The following NBPF15 variants were observed in gnomAD, a reference collection of about 807,000 sequenced individuals.
NBPF15 encodes the protein NBPF family member NBPF15.
NBPF15 carries 74 observed loss-of-function variants against 62.2 expected under a neutral mutation model. The ratio of observed to expected loss-of-function variants is 1.19; its 90% confidence interval spans 0.99 to 1.44. NBPF15 has a LOEUF of 1.44. Ranked by LOEUF, NBPF15 falls within the 40% of genes most tolerant of loss-of-function variation. The probability of loss-of-function intolerance (pLI) is 0.00; values close to 1 mark genes in which losing one functional copy is unlikely to be tolerated. For missense variants in NBPF15, 790 were observed against 550.0 expected, an observed-to-expected ratio of 1.44 and a Z score of -4.36; for synonymous variants, 244 against 209.7, an observed-to-expected ratio of 1.16 and a Z score of -1.41.
chr1:144,433,158 C>T (rs1340314340), intron 13 of NBPF15, among the ~76,000 whole-genome samples: 42 of 151,952 alleles, frequency 2.8e-4, no homozygotes, highest in East Asian at 3.9e-4. Context: ...CACTCAAAAC[C>T]GCACAACTAC....
chr1:144,461,557 C>T lies in NBPF15; in HGVS notation c.-1114G>A, dbSNP rs1274874228. ...CGCGTTCACTCAGATGCTCACGCAG[C>T]CTCGCGACCCTCACCTACCCCTCCC... On this transcript the variant is annotated 5_prime_UTR_variant, in exon 1 of 22. Transcript: ENST00000581897. The T allele has an allele frequency of 3.3e-5, 5 of 152,876 alleles. No individual in the cohort carries two copies. Among genetic ancestry groups the T allele is most frequent in the African/African-American group, 1.2e-4 (5 of 41,428 alleles). 9.5% of individuals were successfully genotyped at this position (152,876 alleles called of 1,614,324 possible).
At position 144,423,915 on chromosome 1, in the gene NBPF15, CTTCTT is replaced by C. The variant is rs1254640163; in HGVS notation, c.1719_1723del (p.Arg574LysfsTer9). 1.5e-5 allele frequency: 12 copies of C among 795,696 alleles called. No homozygotes were observed. The highest frequency in any genetic ancestry group is 1.2e-4 in the African/African-American group (7 of 59,610). The allele number at this position is 795,696 out of a possible 1,614,324, so 49.3% of individuals were successfully genotyped here. ...ATCTTCCCCTTCTTTTCTTCCCCTT[CTTCTT>C]TTCTTCTTTGATCTTCTTCCCCTTC... On this transcript the variant is annotated frameshift_variant, in exon 21 of 22. Transcript: ENST00000581897. LOFTEE classifies it high-confidence loss of function.
intron 8 of NBPF15, among the ~76,000 whole-genome samples, chr1:144,438,594 A>G (rs1205572411): frequency 3.3e-5 from 5 of 152,082 alleles, no homozygotes; most frequent in African/African-American, 9.7e-5. Flanking sequence ...AAGGCCATGA[A>G]GGAAATATGC....
At chr1:144,432,441 C>A (rs1359511218) in intron 13 of NBPF15, among the ~76,000 whole-genome samples, 1 of 152,018 alleles carries the variant, frequency 6.6e-6, no homozygotes, top group Non-Finnish European at 1.5e-5. Context: ...ATGACAGGAT[C>A]AAATTCACAC....
chr1:144,452,439 A>C (rs1412145363), intron 4 of NBPF15, among the ~76,000 whole-genome samples: 2 of 151,708 alleles, frequency 1.3e-5, no homozygotes, highest in Non-Finnish European at 2.9e-5. Flanking sequence ...TCCCAAACAC[A>C]GGAAAATATA....
chr1:144,443,389 T>C (rs71620849), intron 6 of NBPF15, among the ~76,000 whole-genome samples: 3 of 151,988 alleles, frequency 2.0e-5, no homozygotes, highest in Non-Finnish European at 4.4e-5. Flanking sequence ...TCTAGCAGAG[T>C]AAGTCCTCCA....
At chr1:144,456,250 A>T (rs1647662391) in intron 4 of NBPF15, among the ~76,000 whole-genome samples, 1 of 151,702 alleles carries the variant, frequency 6.6e-6, no homozygotes, top group Non-Finnish European at 1.5e-5. Context: ...AGAGGGGAAG[A>T]GCAAGGAGTG....
chr1:144,436,607 C>T (rs1352172298), intron 10 of NBPF15, among the ~76,000 whole-genome samples: 1 of 152,010 alleles, frequency 6.6e-6, no homozygotes, highest in Admixed American at 6.6e-5. Context: ...CTCTAACAAG[C>T]CTGCTCCCAT....
At chr1:144,447,152 G>A (rs1423777479) in intron 6 of NBPF15, among the ~76,000 whole-genome samples, 1 of 152,298 alleles carries the variant, frequency 6.6e-6, no homozygotes, top group Non-Finnish European at 1.5e-5. Context: ...TGTTCTGACA[G>A]CAGGGAGGAC....
Position 144,423,933 on chromosome 1 carries a change from C to T in NBPF15, c.1706G>A (p.Arg569Lys), listed in dbSNP as rs1553538771. 1 of 785,028 alleles carries T rather than the reference C, an allele frequency of 1.3e-6. No homozygotes were observed. The highest frequency in any genetic ancestry group is 3.5e-4 in the Middle Eastern group (1 of 2,848). The allele number at this position is 785,028 out of a possible 1,614,324, so 48.6% of individuals were successfully genotyped here. A position where few individuals can be genotyped will look rare whatever the true frequency, so the allele number is the denominator to read the frequency against. The change falls in exon 21 of 22, where the codon AGA becomes AAA. Residue 569 changes from arginine to lysine, a missense_variant. Transcript: ENST00000581897. ...TCCCCTTCTTCTTTTCTTCTTTGAT[C>T]TTCTTCCCCTTCTTTTCTTCCCCTT... The part of the protein sequence containing the change: ...KGKGKKRRGR[R>K]SKKKRRRGRK...
In NBPF15 at chr1:144,423,027, T is replaced by C. The variant is rs1553538494; in HGVS notation, c.1999A>G (p.Ile667Val). ...SLHLVFQMGV[I>V]FPQ ...GTAAGAGCTGCTTATTGTGGGAATA[T>C]GACTCCCATCTGGAACACCAGGTGG... The change falls in exon 22 of 22, where the codon ATA (isoleucine) becomes GTA (valine). Residue 667 changes from isoleucine to valine, a missense_variant. Coordinates refer to ENST00000581897, the MANE Select transcript of NBPF15 (RefSeq NM_001385408.1). 1 of 1,611,570 alleles carries C rather than the reference T, an allele frequency of 6.2e-7. No homozygotes were observed. The highest frequency in any genetic ancestry group is 8.5e-7 in the Non-Finnish European group (1 of 1,179,644).
intron 16 of NBPF15, among the ~76,000 whole-genome samples, 185 bp downstream of exon 16, chr1:144,427,633 C>T (rs1322977247): frequency 1.4e-5 from 2 of 145,768 alleles, no homozygotes; most frequent in Non-Finnish European, 3.0e-5. Flanking sequence ...GAGAGCCTTG[C>T]TCACTGATCC....
At chr1:144,447,714 C>T (rs376775470) in intron 6 of NBPF15, among the ~76,000 whole-genome samples, 19 of 152,046 alleles carry the variant, frequency 1.2e-4, no homozygotes, top group East Asian at 1.9e-4. Flanking sequence ...GAAAGCTCAG[C>T]GTAAAGCACT....
rs1470635497 is a variant in NBPF15, at chr1:144,436,459, C to A, written c.493+436G>T. 1.2e-4 allele frequency among the ~76,000 whole-genome samples: 18 copies of A among 151,944 alleles called. 1 individual carries two copies. The South Asian group carries it at 2.3e-3, about 19-fold the overall frequency. On this transcript the variant is annotated intron_variant, in intron 10 of 21. Transcript: ENST00000581897. ...TGTTCCCACATTTGAATGCTTCAGA[C>A]CCTTGCAAGAGACAATTTGTCTGCC...
At position 144,426,930 on chromosome 1, in the gene NBPF15, G is replaced by A. The variant is rs1413719344; in HGVS notation, c.1265+117C>T. 6 of 603,826 alleles carry A rather than the reference G, an allele frequency of 9.9e-6. No individual in the cohort carries two copies. The East Asian group carries it at 1.1e-4, about 12-fold the overall frequency. 37.4% of individuals were successfully genotyped at this position (603,826 alleles called of 1,614,324 possible). A position where few individuals can be genotyped will look rare whatever the true frequency, so the allele number is the denominator to read the frequency against. ...GCAATGAAAACCAACAGCAATGTCAGGAGGAGTAATTCAACCTTCGTTGAA... is the reference window on the plus strand; with the variant it reads ...GCAATGAAAACCAACAGCAATGTCAAGAGGAGTAATTCAACCTTCGTTGAA... On this transcript the variant is annotated intron_variant, in intron 17 of 21. Transcript: ENST00000581897.
intron 4 of NBPF15, among the ~76,000 whole-genome samples, chr1:144,455,023 G>A (rs1226134969): frequency 4.7e-5 from 7 of 150,202 alleles, no homozygotes; most frequent in African/African-American, 2.5e-5. Context: ...AAAAGAGAGA[G>A]CATGAGAGAC....
chr1:144,458,569 GATCT>G (rs1230377319), intron 3 of NBPF15, among the ~76,000 whole-genome samples: 1 of 149,212 alleles, frequency 6.7e-6, no homozygotes, highest in East Asian at 2.0e-4. Context: ...GTAGAGATGG[GATCT>G]CACTATATTG....
chr1:144,459,984 T>C (rs1273640606), intron 2 of NBPF15, among the ~76,000 whole-genome samples: 12 of 151,030 alleles, frequency 7.9e-5, no homozygotes, highest in African/African-American at 2.7e-4. Context: ...GTTCTATTTC[T>C]TGATCTGTGG....
intron 6 of NBPF15, among the ~76,000 whole-genome samples, chr1:144,444,861 C>T (rs1247670148): frequency 5.3e-5 from 8 of 151,968 alleles, no homozygotes; most frequent in Non-Finnish European, 1.0e-4. Flanking sequence ...ACATACAGAT[C>T]ATTGTGCAGA....
Sources: allele counts gnomAD v4.1 joint callset (sites outside exome capture counted in the v4.1 genomes callset), GRCh38; gene constraint gnomAD v4.1.1; transcripts MANE v1.5; gene names NCBI Gene and HGNC (gene_info 2026-07-23, HGNC 2026-07-21).